HS3ST4: variants seen among roughly 807,000 people sequenced by gnomAD.
The protein encoded by HS3ST4 is heparan sulfate glucosamine 3-O-sulfotransferase 4.
In HS3ST4, 17 loss-of-function variants were observed where a neutral mutation model predicts 29.2. The ratio of observed to expected loss-of-function variants is 0.58; its 90% CI spans 0.40 to 0.87. HS3ST4 has a LOEUF of 0.87. Ranked by LOEUF, HS3ST4 falls within the 40% of genes least tolerant of loss-of-function variation. The probability of loss-of-function intolerance (pLI) is 0.00; values close to 1 mark genes in which losing one functional copy is unlikely to be tolerated. For synonymous variants in HS3ST4, 314 were observed against 285.7 expected (o/e 1.10, Z -1.00); for missense variants, 627 against 634.5 (o/e 0.99, Z 0.13).
chr16:25,842,699 T>A (rs1225412962), intron 1 of HS3ST4, among the ~76,000 whole-genome samples: 2 of 152,192 alleles, frequency 1.3e-5, no homozygotes, highest in Non-Finnish European at 2.9e-5. Flanking sequence ...CCAATAGCTA[T>A]TTTGAACTCA....
At chr16:26,106,389 C>T (rs1005330438) in intron 1 of HS3ST4, among the ~76,000 whole-genome samples, 1 of 152,164 alleles carries the variant, frequency 6.6e-6, no homozygotes, top group African/African-American at 2.4e-5. Flanking sequence ...TCAAAGGAAC[C>T]TATCTGGCTA....
chr16:25,907,397 C>T (rs1030060651), intron 1 of HS3ST4, among the ~76,000 whole-genome samples: 1 of 151,952 alleles, frequency 6.6e-6, no homozygotes. Context: ...AGGTGTTGGA[C>T]GTGTTACCTT....
chr16:25,727,868 A>T (rs1052341719), intron 1 of HS3ST4, among the ~76,000 whole-genome samples: 1 of 152,186 alleles, frequency 6.6e-6, no homozygotes, highest in Non-Finnish European at 1.5e-5. Flanking sequence ...ATACTTTAAA[A>T]TTATGATTTC....
At chr16:26,015,785 C>T (rs1468241954) in intron 1 of HS3ST4, among the ~76,000 whole-genome samples, 5 of 152,168 alleles carry the variant, frequency 3.3e-5, no homozygotes, top group Admixed American at 6.6e-5. Context: ...AAAAGTTAGG[C>T]CTCCTTTCTT....
At chr16:25,732,485 C>T (rs1257938760) in intron 1 of HS3ST4, among the ~76,000 whole-genome samples, 1 of 152,212 alleles carries the variant, frequency 6.6e-6, no homozygotes, top group African/African-American at 2.4e-5. Context: ...CTAACAAGCT[C>T]TGTAGAGCAA....
intron 1 of HS3ST4, among the ~76,000 whole-genome samples, chr16:26,049,634 G>A (rs73516314): frequency 0.13 from 20,070 of 152,052 alleles, 1,466 homozygotes; most frequent in Middle Eastern, 0.26. Context: ...CAATTCTGCA[G>A]TGGACACCAA....
At chr16:25,916,734 C>A (rs12149565) in intron 1 of HS3ST4, among the ~76,000 whole-genome samples, 9,917 of 140,424 alleles carry the variant, frequency 0.071, 463 homozygotes, top group Non-Finnish European at 0.095. Flanking sequence ...GGCTGGAGTG[C>A]AGTGGCAGGA....
At chr16:25,831,542 G>C (rs1428750380) in intron 1 of HS3ST4, among the ~76,000 whole-genome samples, 1 of 151,878 alleles carries the variant, frequency 6.6e-6, no homozygotes, top group East Asian at 1.9e-4. Context: ...AATGAACTAT[G>C]ACCATGCCAC....
At chr16:25,746,428 A>G (rs1053608917) in intron 1 of HS3ST4, among the ~76,000 whole-genome samples, 2 of 152,160 alleles carry the variant, frequency 1.3e-5, no homozygotes, top group Non-Finnish European at 1.5e-5. Flanking sequence ...GCATGGAGAC[A>G]TGACTGAATA....
At chr16:25,819,654 A>G (rs1278472940) in intron 1 of HS3ST4, among the ~76,000 whole-genome samples, 1 of 152,166 alleles carries the variant, frequency 6.6e-6, no homozygotes, top group Non-Finnish European at 1.5e-5. Flanking sequence ...TTTGTCATTC[A>G]TAAGACAAAG....
intron 1 of HS3ST4, among the ~76,000 whole-genome samples, chr16:26,073,198 A>G (rs951303995): frequency 3.9e-5 from 6 of 152,168 alleles, no homozygotes; most frequent in African/African-American, 1.4e-4. Context: ...TTTTATGCCA[A>G]TTTCACAGCA....
At chr16:25,898,943 C>G (rs1968096307) in intron 1 of HS3ST4, among the ~76,000 whole-genome samples, 1 of 152,210 alleles carries the variant, frequency 6.6e-6, no homozygotes, top group Admixed American at 6.6e-5. Flanking sequence ...CTCTCCTATT[C>G]GCTAACAGCA....
chr16:25,991,042 ACCGGCC>A (rs1201158992), intron 1 of HS3ST4, among the ~76,000 whole-genome samples: 1,680 of 152,198 alleles, frequency 0.011, 31 homozygotes, highest in African/African-American at 0.039. Context: ...CCAGAGCGTC[ACCGGCC>A]TCACCAGGAC....
intron 1 of HS3ST4, among the ~76,000 whole-genome samples, chr16:25,822,271 C>T (rs940464398): frequency 9.9e-5 from 15 of 152,270 alleles, no homozygotes; most frequent in African/African-American, 3.6e-4. Context: ...CTGCTTCTCA[C>T]TCTTGCCTCA....
chr16:26,106,157 A>G (rs1379913197), intron 1 of HS3ST4, among the ~76,000 whole-genome samples: 4 of 152,184 alleles, frequency 2.6e-5, no homozygotes, highest in Non-Finnish European at 5.9e-5. Context: ...TATTCATAAC[A>G]GACTCCTTAT....
At chr16:25,760,285 G>C (rs1966781537) in intron 1 of HS3ST4, among the ~76,000 whole-genome samples, 1 of 152,144 alleles carries the variant, frequency 6.6e-6, no homozygotes. Context: ...TTCTTTGGAG[G>C]CCTCTTTCCT....
chr16:25,987,544 C>T (rs1009191506), intron 1 of HS3ST4, among the ~76,000 whole-genome samples: 2 of 152,150 alleles, frequency 1.3e-5, no homozygotes, highest in African/African-American at 4.8e-5. Context: ...AGATGGGATC[C>T]AAACTCAAGG....
chr16:25,738,210 T>C (rs1966624760), intron 1 of HS3ST4, among the ~76,000 whole-genome samples: 1 of 152,028 alleles, frequency 6.6e-6, no homozygotes, highest in Non-Finnish European at 1.5e-5. Flanking sequence ...AGCCGATACC[T>C]GTAGCTTCTA....
intron 1 of HS3ST4, among the ~76,000 whole-genome samples, chr16:25,978,711 G>A (rs143995398): frequency 3.4e-4 from 52 of 152,296 alleles, no homozygotes; most frequent in African/African-American, 1.2e-3. Context: ...GATTGACACA[G>A]CCACCAAGTC....
Sources: allele counts gnomAD v4.1 joint callset (sites outside exome capture counted in the v4.1 genomes callset), GRCh38; gene constraint gnomAD v4.1.1; transcripts MANE v1.5; gene names NCBI Gene and HGNC (gene_info 2026-07-23, HGNC 2026-07-21).